GNAS-AS1: variants seen among roughly 807,000 people sequenced by gnomAD.
GNAS-AS1 encodes GNAS antisense RNA 1 (non-protein coding).
chr20:58,842,604 G>A (rs2085781378), intron 2 of GNAS-AS1: 2 of 398,132 alleles, frequency 5.0e-6, no homozygotes, highest in Non-Finnish European at 8.9e-6. Context: ...AGCAATGTTA[G>A]TCTCAGAAGT....
chr20:58,841,910 G>A lies in GNAS-AS1; in HGVS notation n.819+27C>T, dbSNP rs2085746134. The A allele has an allele frequency of 4.1e-6, 5 of 1,224,636 alleles. No individual in the cohort carries two copies. The highest frequency in any genetic ancestry group is 5.1e-6 in the Non-Finnish European group (5 of 981,624). The allele number at this position is 1,224,636 out of a possible 1,614,324, so 75.9% of individuals were successfully genotyped here. A position where few individuals can be genotyped will look rare whatever the true frequency, so the allele number is the denominator to read the frequency against. On this transcript the variant is annotated intron_variant and non_coding_transcript_variant, in intron 4 of 4. Transcript: ENST00000424094. The surrounding 1 kb of genome is among the most constrained non-coding windows in gnomAD (Gnocchi z 5.0). ...AACAAGGGACAGGCTGGAGACGGGG[G>A]TCGCGTCTAACATCAGGATAACTTA...
At chr20:58,819,841 C>CA (rs551092625) in intron 4 of GNAS-AS1, among the ~76,000 whole-genome samples, 47 of 152,176 alleles carry the variant, frequency 3.1e-4, no homozygotes, top group Non-Finnish European at 6.8e-4. Context: ...TTGTCACGGA[C>CA]AAAAAACCCA....
intron 1 of GNAS-AS1, chr20:58,850,492 G>A (rs1266066030): frequency 7.5e-6 from 3 of 398,316 alleles, no homozygotes; most frequent in Non-Finnish European, 1.3e-5. Flanking sequence ...AGCACCCATG[G>A]CAGCCTCCCT....
At chr20:58,848,416 A>G (rs2086023140) in intron 2 of GNAS-AS1, among the ~76,000 whole-genome samples, 2 of 152,188 alleles carry the variant, frequency 1.3e-5, no homozygotes, top group Non-Finnish European at 2.9e-5. Flanking sequence ...CCTTAGCTGC[A>G]TAAACACATT....
chr20:58,821,043 G>A (rs1212657625), intron 4 of GNAS-AS1, among the ~76,000 whole-genome samples: 1 of 152,170 alleles, frequency 6.6e-6, no homozygotes, highest in Non-Finnish European at 1.5e-5. Flanking sequence ...TCCTAGTCAG[G>A]GAGACCTTCA....
intron 4 of GNAS-AS1, among the ~76,000 whole-genome samples, chr20:58,823,218 T>C (rs1433421548): frequency 1.3e-5 from 2 of 152,220 alleles, no homozygotes; most frequent in Non-Finnish European, 2.9e-5. Context: ...CCTTGGCGTA[T>C]AGAACCTAAT....
chr20:58,820,775 T>A (rs1600641953), intron 4 of GNAS-AS1, among the ~76,000 whole-genome samples: 1 of 152,328 alleles, frequency 6.6e-6, no homozygotes, highest in South Asian at 2.1e-4. Flanking sequence ...TCCCGTTTTT[T>A]AAAACCATCA....
chr20:58,826,531 T>C (rs2085521546), intron 4 of GNAS-AS1, among the ~76,000 whole-genome samples: 1 of 152,118 alleles, frequency 6.6e-6, no homozygotes, highest in African/African-American at 2.4e-5. Context: ...ATTCTTTAAA[T>C]TGTGGCCATT....
rs187566315 is a variant in GNAS-AS1, at chr20:58,841,894, C to T, written n.819+43G>A. 1.4e-4 allele frequency: 168 copies of T among 1,231,014 alleles called. No individual in the cohort carries two copies. The African/African-American group carries it at 1.7e-3, about 13-fold the overall frequency. The allele number at this position is 1,231,014 out of a possible 1,614,324, so 76.3% of individuals were successfully genotyped here. A position where few individuals can be genotyped will look rare whatever the true frequency, so the allele number is the denominator to read the frequency against. Reference sequence around the variant, plus strand: ...TGGAAAGGTAAAGCGGAACAAGGGACAGGCTGGAGACGGGGGTCGCGTCTA... The same window carrying T: ...TGGAAAGGTAAAGCGGAACAAGGGATAGGCTGGAGACGGGGGTCGCGTCTA... On this transcript the variant is annotated intron_variant and non_coding_transcript_variant, in intron 4 of 4. Coordinates refer to ENST00000424094, the Ensembl canonical transcript of GNAS-AS1. This position sits in a 1 kb window ranked among gnomAD's most constrained non-coding sequence, Gnocchi z 5.0.
At chr20:58,842,716 CAT>C (rs1237087903) in intron 2 of GNAS-AS1, among the ~76,000 whole-genome samples, 2 of 152,158 alleles carry the variant, frequency 1.3e-5, no homozygotes, top group African/African-American at 4.8e-5. Flanking sequence ...CTTTCTGTGA[CAT>C]TAAGTGTTCA....
intron 2 of GNAS-AS1, among the ~76,000 whole-genome samples, chr20:58,848,520 CTAT>C (rs781294680): frequency 1.3e-5 from 2 of 152,222 alleles, no homozygotes; most frequent in Non-Finnish European, 2.9e-5. Flanking sequence ...AGGTACTTTG[CTAT>C]TATACAATTA....
chr20:58,838,317 G>A (rs1015434454), intron 4 of GNAS-AS1, among the ~76,000 whole-genome samples: 1 of 152,080 alleles, frequency 6.6e-6, no homozygotes, highest in African/African-American at 2.4e-5. Flanking sequence ...AAGAAAGAGC[G>A]GCACTATTTA....
chr20:58,819,772 G>GAA (rs2085473001), intron 4 of GNAS-AS1, among the ~76,000 whole-genome samples: 1 of 152,194 alleles, frequency 6.6e-6, no homozygotes, highest in Non-Finnish European at 1.5e-5. Flanking sequence ...AACCAACCAG[G>GAA]ATTGTTTCCA....
In GNAS-AS1 at chr20:58,831,332, T is replaced by A. The variant is rs186524066; in HGVS notation, n.819+10605A>T. Reference sequence around the variant, plus strand: ...GGTTGCCAGCTGTTTTGCTTTTTTTTAAAAAAATCTGCTAGATAAAGTCAC... The same window carrying A: ...GGTTGCCAGCTGTTTTGCTTTTTTTAAAAAAAATCTGCTAGATAAAGTCAC... On this transcript the variant is annotated intron_variant and non_coding_transcript_variant, in intron 4 of 4. Coordinates refer to ENST00000424094, the Ensembl canonical transcript of GNAS-AS1. 2.2e-3 allele frequency among the ~76,000 whole-genome samples: 342 copies of A among 152,174 alleles called. 2 individuals are homozygous for A. Among genetic ancestry groups the A allele is most frequent in the African/African-American group, 5.0e-3 (207 of 41,508 alleles).
intron 2 of GNAS-AS1, among the ~76,000 whole-genome samples, chr20:58,848,393 C>G (rs954604570): frequency 3.9e-5 from 6 of 152,354 alleles, no homozygotes; most frequent in African/African-American, 1.4e-4. Context: ...CCAGCCTCTC[C>G]TGACTTCCTC....
At chr20:58,827,388 T>G (rs1238378962) in intron 4 of GNAS-AS1, among the ~76,000 whole-genome samples, 1 of 151,974 alleles carries the variant, frequency 6.6e-6, no homozygotes, top group East Asian at 1.9e-4. Flanking sequence ...CAGGCCCTGC[T>G]GGTGGGGACA....
rs1397755931 is a variant in GNAS-AS1 at position 58,841,219 on chromosome 20, T to C, written n.819+718A>G. On this transcript the variant is annotated intron_variant and non_coding_transcript_variant, in intron 4 of 4. Transcript: ENST00000424094. This position sits in a 1 kb window ranked among gnomAD's most constrained non-coding sequence, Gnocchi z 5.0. Reference sequence around the variant, plus strand: ...TTTGGAGCTGCACACCCAAACGGCATTGGTAAGTCACTTGTTTTGCGCGCT... The same window carrying C: ...TTTGGAGCTGCACACCCAAACGGCACTGGTAAGTCACTTGTTTTGCGCGCT... 8.6e-6 allele frequency: 6 copies of C among 700,490 alleles called. No homozygotes were observed. The highest frequency in any genetic ancestry group is 5.8e-4 in the Middle Eastern group (1 of 1,736). 43.4% of individuals were successfully genotyped at this position (700,490 alleles called of 1,614,324 possible). A position where few individuals can be genotyped will look rare whatever the true frequency, so the allele number is the denominator to read the frequency against.
chr20:58,826,863 C>CTTTTTTTTTTTTTTTTTGTTTTT (rs2085524231), intron 4 of GNAS-AS1: 1 of 85,756 alleles, frequency 1.2e-5, no homozygotes, highest in Non-Finnish European at 2.2e-5. Flanking sequence ...CCATGCCTGG[C>CTTTTTTTTTTTTTTTTTGTTTTT]TTTTTTTTTT....
At chr20:58,845,607 C>T (rs1367579815) in intron 2 of GNAS-AS1, among the ~76,000 whole-genome samples, 1 of 152,072 alleles carries the variant, frequency 6.6e-6, no homozygotes, top group Non-Finnish European at 1.5e-5. Flanking sequence ...TAATTTCTTT[C>T]TTACATATCA....
Sources: gnomAD v4.1 joint callset for allele counts (sites outside exome capture counted in the v4.1 genomes callset) on GRCh38, gnomAD v4.1.1 for gene constraint, Gnocchi (gnomAD v3.1) non-coding constraint, MANE v1.5 for transcripts, NCBI Gene and HGNC (gene_info 2026-07-23, HGNC 2026-07-21) for gene names.